The following BAZ2B variants were observed in gnomAD, a reference collection of about 807,000 sequenced individuals.
BAZ2B encodes bromodomain adjacent to zinc finger domain 2B.
A neutral mutation model predicts 246.0 loss-of-function variants in BAZ2B; 91 were observed. The observed-to-expected ratio is 0.37, with a 90% confidence interval of 0.31 to 0.44. The LOEUF is 0.44. Among genes scored for constraint, BAZ2B ranks in the 20% least tolerant of loss-of-function variants. BAZ2B has a pLI of 1.00. For synonymous variants in BAZ2B, 855 were observed against 860.0 expected (o/e 0.99, Z 0.10); for missense variants, 2,332 against 2,533.7 (o/e 0.92, Z 1.71).
chr2:159,619,143 A>G (rs1223452187), upstream of BAZ2B, among the ~76,000 whole-genome samples: 1 of 152,064 alleles, frequency 6.6e-6, no homozygotes, highest in Non-Finnish European at 1.5e-5. Context: ...ACTACTATAT[A>G]AAAACTCCAG....
intron 3 of BAZ2B, among the ~76,000 whole-genome samples, chr2:159,457,411 T>C (rs1326478051): frequency 6.6e-6 from 1 of 152,240 alleles, no homozygotes. Flanking sequence ...ATGTTTTTAA[T>C]GAATTAATTC....
At chr2:159,368,030 C>T (rs929250242) in intron 27 of BAZ2B, among the ~76,000 whole-genome samples, 35 of 152,200 alleles carry the variant, frequency 2.3e-4, no homozygotes, top group African/African-American at 8.2e-4. Context: ...AGACACACTA[C>T]GTGCTCATAT....
chr2:159,673,885 A>C, the BAZ2B span, among the ~76,000 whole-genome samples: 10 of 152,222 alleles, frequency 6.6e-5, no homozygotes, highest in Non-Finnish European at 1.3e-4. Context: ...CCTGTAGAGG[A>C]ATGATAACCA....
chr2:159,388,913 T>C (rs779512618), intron 21 of BAZ2B, among the ~76,000 whole-genome samples: 24 of 151,726 alleles, frequency 1.6e-4, no homozygotes, highest in Non-Finnish European at 2.7e-4. Flanking sequence ...AAAATTAAAA[T>C]AACAAAAACC....
chr2:159,562,526 G>T (rs961335888), intron 1 of BAZ2B, among the ~76,000 whole-genome samples: 4 of 152,170 alleles, frequency 2.6e-5, no homozygotes, highest in Admixed American at 6.5e-5. Context: ...GAGGAAGGAG[G>T]TAGTAGCACT....
At chr2:159,697,276 A>G in the BAZ2B span, among the ~76,000 whole-genome samples, 2 of 152,204 alleles carry the variant, frequency 1.3e-5, no homozygotes, top group Non-Finnish European at 2.9e-5. Flanking sequence ...CTATTCTAGC[A>G]TTACAATGGT....
intron 2 of BAZ2B, among the ~76,000 whole-genome samples, chr2:159,517,160 T>C (rs2151226520): frequency 6.6e-6 from 1 of 152,244 alleles, no homozygotes; most frequent in Non-Finnish European, 1.5e-5. Flanking sequence ...AAAATTCCTA[T>C]GATCAGAAAG....
intron 2 of BAZ2B, among the ~76,000 whole-genome samples, chr2:159,501,228 AT>A (rs1331922835): frequency 4.5e-5 from 5 of 111,924 alleles, no homozygotes; most frequent in Non-Finnish European, 9.0e-5. Context: ...ATATATATTT[AT>A]ATATATATAT....
chr2:159,706,652 C>T, the BAZ2B span, among the ~76,000 whole-genome samples: 3 of 152,220 alleles, frequency 2.0e-5, no homozygotes, highest in East Asian at 5.8e-4. Flanking sequence ...CAGCAAACTT[C>T]CTGTACTAAA....
chr2:159,350,445 A>G, intron 27 of BAZ2B, 88 bp from the exon 28 acceptor site: 1 of 1,252,616 alleles, frequency 8.0e-7, no homozygotes, highest in Non-Finnish European at 1.1e-6. Flanking sequence ...ATCAAATTAT[A>G]TGCATAAATA....
intron 2 of BAZ2B, among the ~76,000 whole-genome samples, chr2:159,487,938 T>C (rs1438916278): frequency 6.6e-6 from 1 of 152,216 alleles, no homozygotes; most frequent in East Asian, 1.9e-4. Flanking sequence ...AAAACTTCCC[T>C]GGCCTCGCTA....
intron 2 of BAZ2B, among the ~76,000 whole-genome samples, chr2:159,483,098 T>A (rs2079423324): frequency 6.6e-6 from 1 of 152,194 alleles, no homozygotes; most frequent in Non-Finnish European, 1.5e-5. Flanking sequence ...TGGAGTATAA[T>A]AACATGACCT....
chr2:159,513,181 A>T (rs1224340360), intron 2 of BAZ2B, among the ~76,000 whole-genome samples: 1 of 152,216 alleles, frequency 6.6e-6, no homozygotes, highest in Admixed American at 6.5e-5. Context: ...TCATGAAAAC[A>T]GCAGTCAATG....
At chr2:159,402,470 CAAAACAAAACAA>C (rs1174519817) in intron 16 of BAZ2B, among the ~76,000 whole-genome samples, 4 of 151,558 alleles carry the variant, frequency 2.6e-5, no homozygotes, top group Non-Finnish European at 5.9e-5. Context: ...AAACAAAAAA[CAAAACAAAACAA>C]AAAACAAAAC....
rs1404546972 is a variant in BAZ2B at position 159,446,678 on chromosome 2, G to GT, written c.696+103dup. 4.6e-6 allele frequency: 5 copies of GT among 1,080,640 alleles called. No homozygotes were observed. In the Admixed American group the frequency reaches 1.3e-4, roughly 28 times the overall value. The allele number at this position is 1,080,640 out of a possible 1,614,324, so 66.9% of individuals were successfully genotyped here. ...CACGTATCTATAAAAATAAAAGTTG[G>GT]TAATTCATAAGAAATTAAACCATAG... is the stretch of plus-strand genomic sequence containing the variant. On this transcript the variant is annotated intron_variant, in intron 6 of 36. Transcript: ENST00000392783.
intron 27 of BAZ2B, among the ~76,000 whole-genome samples, chr2:159,353,461 G>C (rs560306377): frequency 1.3e-5 from 2 of 152,344 alleles, no homozygotes; most frequent in African/African-American, 4.8e-5. Context: ...AATCCAGGTG[G>C]AGCCTGGCAA....
At chr2:159,418,866 C>A (rs2068226080) in intron 13 of BAZ2B, among the ~76,000 whole-genome samples, 1 of 152,034 alleles carries the variant, frequency 6.6e-6, no homozygotes, top group African/African-American at 2.4e-5. Flanking sequence ...AAGGACTTTG[C>A]TCTTCTCATA....
chr2:159,502,496 T>A (rs1305563470), intron 2 of BAZ2B, among the ~76,000 whole-genome samples: 8 of 148,870 alleles, frequency 5.4e-5, no homozygotes, highest in South Asian at 2.1e-4. Flanking sequence ...TAGCCAAGCA[T>A]GGTGGCACGT....
At chr2:159,490,814 T>A (rs1288718012) in intron 2 of BAZ2B, among the ~76,000 whole-genome samples, 1 of 152,222 alleles carries the variant, frequency 6.6e-6, no homozygotes, top group Non-Finnish European at 1.5e-5. Context: ...TAACACACAC[T>A]GTGCTTTGGT....
Sources: allele counts gnomAD v4.1 joint callset (sites outside exome capture counted in the v4.1 genomes callset), GRCh38; gene constraint gnomAD v4.1.1; transcripts MANE v1.5; gene names NCBI Gene and HGNC (gene_info 2026-07-23, HGNC 2026-07-21).